The following COL4A3 variants were observed in gnomAD, a reference collection of about 807,000 sequenced individuals.
COL4A3 encodes collagen alpha-3(IV) chain.
COL4A3 carries 135 observed loss-of-function variants against 217.4 expected under a neutral mutation model. The ratio of observed to expected loss-of-function variants is 0.62; its 90% CI spans 0.54 to 0.72. The LOEUF is 0.72. Among genes scored for constraint, COL4A3 ranks in the 30% least tolerant of loss-of-function variants. The pLI is 0.00. For missense variants in COL4A3, 1,868 were observed against 2,119.9 expected, an observed-to-expected ratio of 0.88 and a Z score of 2.33; for synonymous variants, 690 against 736.3, an observed-to-expected ratio of 0.94 and a Z score of 1.02.
intron 43 of COL4A3, among the ~76,000 whole-genome samples, chr2:227,302,256 AT>A (rs1337371000): frequency 1.3e-5 from 2 of 152,096 alleles, no homozygotes; most frequent in Non-Finnish European, 2.9e-5. Flanking sequence ...ATCCCTAGAC[AT>A]TACTTCTCCT....
chr2:227,311,380 C>CTTTTTTTTTTTTT (rs11286889), intron 51 of COL4A3, among the ~76,000 whole-genome samples: 1 of 141,742 alleles, frequency 7.1e-6, no homozygotes, highest in Non-Finnish European at 1.6e-5. Flanking sequence ...AATTTCTCTC[C>CTTTTTTTTTTTTT]TTTTTTTTTT....
In COL4A3 at chr2:227,220,136, A is replaced by ATGTGTGTG. The variant is rs35199710; in HGVS notation, c.88-17810_88-17803dup. 1.1e-3 allele frequency among the ~76,000 whole-genome samples: 141 copies of ATGTGTGTG among 127,144 alleles called. No individual in the cohort carries two copies. The South Asian group carries it at 0.014, about 13-fold the overall frequency. 83.4% of individuals were successfully genotyped at this position (127,144 alleles called of 152,430 possible). A position where few individuals can be genotyped will look rare whatever the true frequency, so the allele number is the denominator to read the frequency against. On this transcript the variant is annotated intron_variant, in intron 1 of 51. Coordinates refer to ENST00000396578, the MANE Select transcript of COL4A3 (RefSeq NM_000091.5). ...GCTTCTTGTTTAATAAGGCGGTTTT[A>ATGTGTGTG]TGTGTGTGTGTGTGTGTGTGTGTGT...
rs2125909903 is a variant in COL4A3 at position 227,245,968 on chromosome 2, T to C, written c.339T>C (p.Asn113=). 1.9e-6 allele frequency: 3 copies of C among 1,613,974 alleles called. No homozygotes were observed. In the Admixed American group the frequency reaches 5.0e-5, roughly 27 times the overall value. ...GSPGLPGTPG[N]TGPYGLVGVP... ...TCTTCTTCCAGGGCACCCCAGGCAA[T>C]ACCGGGCCTTACGGACTTGTCGGTG... is the stretch of plus-strand genomic sequence containing the variant. The change falls in exon 6 of 52, where the codon AAT becomes AAC. Residue 113 remains asparagine, a synonymous_variant. Transcript: ENST00000396578.
At chr2:227,225,429 G>T (rs544214937) in intron 1 of COL4A3, among the ~76,000 whole-genome samples, 2 of 151,972 alleles carry the variant, frequency 1.3e-5, no homozygotes, top group Non-Finnish European at 2.9e-5. Flanking sequence ...GTTCCCAGGC[G>T]GATTTTTAAA....
At chr2:227,213,200 A>C (rs1051787775) in intron 1 of COL4A3, among the ~76,000 whole-genome samples, 1 of 152,172 alleles carries the variant, frequency 6.6e-6, no homozygotes, top group African/African-American at 2.4e-5. Flanking sequence ...CTGAAACATA[A>C]ACTGGAATTA....
chr2:227,254,274 G>A, intron 14 of COL4A3, 100 bp downstream of exon 14: 1 of 1,004,560 alleles, frequency 1.0e-6, no homozygotes, highest in Non-Finnish European at 1.5e-6. Context: ...TTTTTTTAAA[G>A]AAAGTAAAGG....
chr2:227,266,649 C>T (rs1439649825), intron 22 of COL4A3, 140 bp downstream of exon 22: 1 of 732,794 alleles, frequency 1.4e-6, no homozygotes, highest in Non-Finnish European at 2.4e-6. Context: ...TAAAAGTATT[C>T]ATTTATCTGT....
chr2:227,282,619 T>C lies in COL4A3; in HGVS notation c.2656+87T>C, dbSNP rs1339116074. 8.4e-7 allele frequency: 1 copy of C among 1,196,944 alleles called. No homozygotes were observed. Among genetic ancestry groups the C allele is most frequent in the African/African-American group, 1.5e-5 (1 of 65,908 alleles). The allele number at this position is 1,196,944 out of a possible 1,614,324, so 74.1% of individuals were successfully genotyped here. A position where few individuals can be genotyped will look rare whatever the true frequency, so the allele number is the denominator to read the frequency against. On this transcript the variant is annotated intron_variant, in intron 32 of 51. Coordinates refer to ENST00000396578, the MANE Select transcript of COL4A3 (RefSeq NM_000091.5). The surrounding 1 kb of genome is among the most constrained non-coding windows in gnomAD (Gnocchi z 4.4). Reference sequence around the variant, plus strand: ...CAACTGTACATAGGCATACGCTTTTTACTCTATGCTTTTACTTAATATAAG... The same window carrying C: ...CAACTGTACATAGGCATACGCTTTTCACTCTATGCTTTTACTTAATATAAG...
At chr2:227,252,156 G>T (rs1469681891) in intron 11 of COL4A3, among the ~76,000 whole-genome samples, 1 of 148,840 alleles carries the variant, frequency 6.7e-6, no homozygotes, top group East Asian at 2.0e-4. Flanking sequence ...ACAGGAAATT[G>T]GTCCTAAACA....
In COL4A3 at chr2:227,191,466, A is replaced by G. The variant is rs2066236640; in HGVS notation, c.87+26653A>G. 6.6e-6 allele frequency among the ~76,000 whole-genome samples: 1 copy of G among 152,224 alleles called. No homozygotes were observed. Among genetic ancestry groups the G allele is most frequent in the Non-Finnish European group, 1.5e-5 (1 of 68,048 alleles). ...CACAAAATCACTCTTTACCAGCCAC[A>G]TACAAATGTTGAATGGCTCCATCCA... On this transcript the variant is annotated intron_variant, in intron 1 of 51. Coordinates refer to ENST00000396578, the MANE Select transcript of COL4A3 (RefSeq NM_000091.5). The surrounding 1 kb of genome is among the most constrained non-coding windows in gnomAD (Gnocchi z 6.8).
chr2:227,267,499 T>C (rs887724267), intron 23 of COL4A3, among the ~76,000 whole-genome samples: 8 of 152,200 alleles, frequency 5.3e-5, no homozygotes, highest in Admixed American at 4.6e-4. Context: ...AAAAGAGTCA[T>C]AGAAAAATGT....
At chr2:227,280,870 T>G in intron 30 of COL4A3, 23 bp from the exon 31 acceptor site, 1 of 1,501,036 alleles carries the variant, frequency 6.7e-7, no homozygotes, top group Non-Finnish European at 9.1e-7. Context: ...CACCTGGGTA[T>G]ATACTTGTGC....
chr2:227,232,802 ATAAG>A (rs1384548924), intron 1 of COL4A3, among the ~76,000 whole-genome samples: 3 of 152,228 alleles, frequency 2.0e-5, no homozygotes, highest in Non-Finnish European at 4.4e-5. Context: ...TATTAAATAA[ATAAG>A]TGATTAAATA....
At chr2:227,224,051 C>G (rs148476522) in intron 1 of COL4A3, among the ~76,000 whole-genome samples, 1 of 152,312 alleles carries the variant, frequency 6.6e-6, no homozygotes, top group African/African-American at 2.4e-5. Context: ...TGAAGCAGAG[C>G]CTCTGTGCTC....
At chr2:227,182,816 G>T (rs1174747053) in intron 1 of COL4A3, among the ~76,000 whole-genome samples, 2 of 152,094 alleles carry the variant, frequency 1.3e-5, no homozygotes, top group Non-Finnish European at 2.9e-5. Context: ...CCCCTCTTGA[G>T]CTATCACACA....
chr2:227,173,418 C>T (rs1488879877), intron 1 of COL4A3, among the ~76,000 whole-genome samples: 1 of 152,160 alleles, frequency 6.6e-6, no homozygotes, highest in East Asian at 1.9e-4. Flanking sequence ...ATGTAAGTCC[C>T]TGGCTCTGCT....
At chr2:227,305,683 T>C (rs1214022235) in intron 47 of COL4A3, 1 of 152,676 alleles carries the variant, frequency 6.5e-6, no homozygotes, top group Non-Finnish European at 1.5e-5. Context: ...AAAAAAGCCA[T>C]TCTTGAATAG....
intron 1 of COL4A3, among the ~76,000 whole-genome samples, chr2:227,206,791 G>A (rs775953700): frequency 1.3e-5 from 2 of 152,130 alleles, no homozygotes; most frequent in African/African-American, 4.8e-5. Context: ...ACACACACTC[G>A]TATGCAGGTT....
rs2125961933 is a variant in COL4A3 at position 227,261,099 on chromosome 2, G to A, written c.1132G>A (p.Gly378Arg). The change falls in exon 20 of 52, where the codon GGA becomes AGA. Residue 378 changes from glycine to arginine, a missense_variant. Physicochemically the swap from Gly to Arg is moderately radical, Grantham distance 125. Transcript: ENST00000396578. ...ATTCCCAGGTCCCAGTGGTCCCCCC[G>A]GAGTTCCTGGAAGTCCTGGTATGTC... The part of the protein sequence containing the change: ...RGPQGPSGPP[G>R]VPGSPGSSRP... 2.5e-6 allele frequency: 4 copies of A among 1,612,098 alleles called. No individual in the cohort carries two copies. Among genetic ancestry groups the A allele is most frequent in the South Asian group, 1.1e-5 (1 of 91,020 alleles).
Sources: gnomAD v4.1 joint callset for allele counts (sites outside exome capture counted in the v4.1 genomes callset) on GRCh38, gnomAD v4.1.1 for gene constraint, Gnocchi (gnomAD v3.1) non-coding constraint, MANE v1.5 for transcripts, NCBI Gene and HGNC (gene_info 2026-07-23, HGNC 2026-07-21) for gene names.